CCDC88A: variants seen among roughly 807,000 people sequenced by gnomAD.
The protein encoded by CCDC88A is coiled-coil and HOOK domain protein 88A, also known as girdin.
In CCDC88A, 54 loss-of-function variants were observed where a neutral mutation model predicts 234.3. The ratio of observed to expected loss-of-function variants is 0.23; its 90% CI spans 0.19 to 0.29. The LOEUF is 0.29. Ranked by LOEUF, CCDC88A falls within the 10% of genes least tolerant of loss-of-function variation. CCDC88A has a pLI of 1.00. For synonymous variants in CCDC88A, 753 were observed against 737.8 expected, an observed-to-expected ratio of 1.02 and a Z score of -0.33; for missense variants, 1,832 against 2,123.4, an observed-to-expected ratio of 0.86 and a Z score of 2.70.
At chr2:55,399,164 T>A (rs1678144917) in intron 2 of CCDC88A, among the ~76,000 whole-genome samples, 1 of 151,988 alleles carries the variant, frequency 6.6e-6, no homozygotes, top group South Asian at 2.1e-4. Context: ...CTAAAAGGAA[T>A]AAATCAAGAA....
chr2:55,334,387 G>T lies in CCDC88A; in HGVS notation c.2434C>A (p.Gln812Lys). 1.3e-6 allele frequency: 2 copies of T among 1,576,196 alleles called. No homozygotes were observed. Among genetic ancestry groups the T allele is most frequent in the Non-Finnish European group, 1.7e-6 (2 of 1,169,840 alleles). ...AATGATTTATTTTCTTTTTCCAGCT[G>T]TTCTAGTCTTTTGCTAGATATTTTT... The part of the protein sequence containing the change: ...ELKISSKRLE[Q>K]LEKENKSLEQ... Residue 812 changes from glutamine to lysine, a missense_variant, in exon 15 of 33, where the codon CAG becomes AAG. This residue lies in a region of CCDC88A where 1,282 missense variants were observed against 1,543.6 expected (regional missense o/e 0.83). Coordinates refer to ENST00000436346, the MANE Select transcript of CCDC88A (RefSeq NM_001365480.1). The surrounding 1 kb of genome is among the most constrained non-coding windows in gnomAD (Gnocchi z 6.1).
intron 2 of CCDC88A, chr2:55,405,064 C>T (rs1484801831): frequency 2.6e-5 from 4 of 152,182 alleles, no homozygotes; most frequent in African/African-American, 9.7e-5. Flanking sequence ...GAATAAATGA[C>T]CTAAGATTTT....
At chr2:55,340,803 A>C (rs1053586960) in intron 12 of CCDC88A, among the ~76,000 whole-genome samples, 4 of 152,210 alleles carry the variant, frequency 2.6e-5, no homozygotes, top group Non-Finnish European at 5.9e-5. Flanking sequence ...CACAGTATAG[A>C]AACAGTTTAA....
intron 29 of CCDC88A, 53 bp from the exon 30 acceptor site, chr2:55,296,576 C>G: frequency 1.3e-6 from 2 of 1,516,226 alleles, no homozygotes; most frequent in South Asian, 1.2e-5. Context: ...GAGATTAATA[C>G]TTCATGAGTA....
At chr2:55,361,258 AAGAT>A (rs1371486183) in intron 7 of CCDC88A, among the ~76,000 whole-genome samples, 7 of 152,328 alleles carry the variant, frequency 4.6e-5, no homozygotes, top group Admixed American at 2.6e-4. Context: ...ACACTAAAAA[AAGAT>A]AGCATAGAGT....
intron 2 of CCDC88A, among the ~76,000 whole-genome samples, chr2:55,412,319 G>A (rs911644552): frequency 6.6e-6 from 1 of 152,204 alleles, no homozygotes; most frequent in Non-Finnish European, 1.5e-5. Flanking sequence ...GGTATTAAAG[G>A]AAGAGCAGGA....
rs987481234 is a variant in CCDC88A at position 55,317,909 on chromosome 2, T to C, written c.3325-68A>G. On this transcript the variant is annotated intron_variant, in intron 19 of 32. Coordinates refer to ENST00000436346, the MANE Select transcript of CCDC88A (RefSeq NM_001365480.1). The surrounding 1 kb of genome is among the most constrained non-coding windows in gnomAD (Gnocchi z 4.2). ...CATGTTCTTTTTCAAAATACAAGAT[T>C]ACAATGTTAATTAAAGAAAGCTCTA... 1.7e-5 allele frequency: 19 copies of C among 1,122,742 alleles called. No homozygotes were observed. The highest frequency in any genetic ancestry group is 2.4e-5 in the Non-Finnish European group (19 of 788,618). The allele number at this position is 1,122,742 out of a possible 1,614,324, so 69.5% of individuals were successfully genotyped here.
chr2:55,319,766 A>G (rs1683395956), intron 18 of CCDC88A, among the ~76,000 whole-genome samples: 1 of 152,200 alleles, frequency 6.6e-6, no homozygotes, highest in Non-Finnish European at 1.5e-5. Flanking sequence ...CTTGTCATTA[A>G]TATTTTCAGG....
chr2:55,371,251 T>C (rs917356487), intron 5 of CCDC88A, among the ~76,000 whole-genome samples: 11 of 152,214 alleles, frequency 7.2e-5, no homozygotes, highest in African/African-American at 2.7e-4. Context: ...TTCAACTTAA[T>C]ATTTAATCAA....
At chr2:55,312,958 G>T in intron 22 of CCDC88A, 1 of 165,908 alleles carries the variant, frequency 6.0e-6, no homozygotes, top group Admixed American at 5.7e-5. Context: ...TATGAAATGA[G>T]GATAGCTCCC....
At chr2:55,295,485 GC>G (rs1323389700) in intron 31 of CCDC88A, 111 bp downstream of exon 31, 1 of 1,592,514 alleles carries the variant, frequency 6.3e-7, no homozygotes, top group South Asian at 1.1e-5. Context: ...TCTAGCCTGG[GC>G]ATATAGAGGC....
chr2:55,378,958 C>A (rs1051399856), intron 3 of CCDC88A, among the ~76,000 whole-genome samples: 1 of 152,080 alleles, frequency 6.6e-6, no homozygotes, highest in African/African-American at 2.4e-5. Flanking sequence ...GTTGGCCAGG[C>A]TGGTCTCAAA....
At position 55,384,630 on chromosome 2, in the gene CCDC88A, T is replaced by TAC. The variant is rs1378861686; in HGVS notation, c.273+4147_273+4148insGT. Among the ~76,000 whole-genome samples, 16 of 29,100 alleles carry TAC rather than the reference T, an allele frequency of 5.5e-4. 1 individual carries two copies. Among genetic ancestry groups the TAC allele is most frequent in the Middle Eastern group, 0.029 (2 of 68 alleles). 19.1% of individuals were successfully genotyped at this position (29,100 alleles called of 152,430 possible). On this transcript the variant is annotated intron_variant, in intron 3 of 32. Coordinates refer to ENST00000436346, the MANE Select transcript of CCDC88A (RefSeq NM_001365480.1). ...ATATGTGTATATATACGTATATATA[T>TAC]GTATATATGTGTATATATACATATA...
At chr2:55,406,853 G>A (rs1478744435) in intron 2 of CCDC88A, among the ~76,000 whole-genome samples, 3 of 152,148 alleles carry the variant, frequency 2.0e-5, no homozygotes, top group Admixed American at 1.3e-4. Flanking sequence ...GACATTAACA[G>A]TTATGTTATC....
At chr2:55,397,878 TA>T (rs1677886456) in intron 2 of CCDC88A, among the ~76,000 whole-genome samples, 1 of 152,100 alleles carries the variant, frequency 6.6e-6, no homozygotes, top group South Asian at 2.1e-4. Flanking sequence ...TAAAAAAAAT[TA>T]ATGTTTTATA....
intron 29 of CCDC88A, among the ~76,000 whole-genome samples, chr2:55,297,354 T>TAAATATATATAATATATAAATATATA (rs1680253604): frequency 1.0e-5 from 1 of 97,572 alleles, no homozygotes; most frequent in Non-Finnish European, 1.8e-5. Flanking sequence ...ATATTATATA[T>TAAATATATATAATATATAAATATATA]AAATATATAT....
rs201733989 is a variant in CCDC88A, at chr2:55,318,813, T to C, written c.3324+30A>G. The C allele has an allele frequency of 1.1e-4, 172 of 1,519,380 alleles. 1 individual carries two copies. Among genetic ancestry groups the C allele is most frequent in the Non-Finnish European group, 2.8e-5 (31 of 1,118,042 alleles). 94.1% of individuals were successfully genotyped at this position (1,519,380 alleles called of 1,614,324 possible). On this transcript the variant is annotated intron_variant, in intron 19 of 32. Coordinates refer to ENST00000436346, the MANE Select transcript of CCDC88A (RefSeq NM_001365480.1). The stretch of plus-strand genomic sequence containing the variant: ...TTAATAGCATAATTCAAGAGTTTGG[T>C]TGCATATTCCCAAAATATTATATTA...
intron 31 of CCDC88A, chr2:55,294,801 G>A (rs1679826525): frequency 3.0e-6 from 3 of 1,008,968 alleles, no homozygotes; most frequent in Non-Finnish European, 3.6e-6. Context: ...AACAAAAAAT[G>A]TGAAGGAGGA....
chr2:55,337,964 ATAAT>A (rs1212658784), intron 13 of CCDC88A, among the ~76,000 whole-genome samples: 1 of 152,218 alleles, frequency 6.6e-6, no homozygotes, highest in Non-Finnish European at 1.5e-5. Flanking sequence ...TCAGCTGTGA[ATAAT>A]TAATCAGGTT....
Sources: allele counts gnomAD v4.1 joint callset (sites outside exome capture counted in the v4.1 genomes callset), GRCh38; gene constraint gnomAD v4.1.1; regional missense constraint gnomAD v4.1.1; non-coding constraint Gnocchi (gnomAD v3.1); transcripts MANE v1.5; gene names NCBI Gene and HGNC (gene_info 2026-07-23, HGNC 2026-07-21).